The following TMPRSS9 variants were observed in gnomAD, a reference collection of about 807,000 sequenced individuals.
The protein encoded by TMPRSS9 is transmembrane protease serine 9.
A neutral mutation model predicts 111.4 loss-of-function variants in TMPRSS9; 113 were observed. That is an observed-to-expected ratio of 1.01 (90% CI 0.87 to 1.19). TMPRSS9 has a LOEUF of 1.19. Ranked by LOEUF, TMPRSS9 falls within the 50% of genes most tolerant of loss-of-function variation. TMPRSS9 has a pLI of 0.00. For synonymous variants in TMPRSS9, 805 were observed against 659.1 expected (o/e 1.22, Z -3.39); for missense variants, 1,803 against 1,513.1 (o/e 1.19, Z -3.18).
rs533338940 is a variant in TMPRSS9, at chr19:2,416,193, G to T, written c.1746-345G>T. ...GGTCGAGGCTGCAGTGAGCCTGATG[G>T]TGCCACTGCACTCCATCTGGGGCAA... On this transcript the variant is annotated intron_variant, in intron 11 of 17. Coordinates refer to ENST00000648592, the Ensembl canonical transcript of TMPRSS9. 1.4e-4 allele frequency: 61 copies of T among 427,084 alleles called. 1 individual carries two copies. Among genetic ancestry groups the T allele is most frequent in the East Asian group, 1.9e-4 (5 of 26,160 alleles). 26.5% of individuals were successfully genotyped at this position (427,084 alleles called of 1,614,324 possible). A position where few individuals can be genotyped will look rare whatever the true frequency, so the allele number is the denominator to read the frequency against.
intron 13 of TMPRSS9, 122 bp downstream of exon 14, chr19:2,418,260 CTCCTTGTCCT>C: frequency 1.7e-6 from 2 of 1,165,508 alleles, no homozygotes; most frequent in Non-Finnish European, 2.3e-6. Context: ...CCCTCCTTCC[CTCCTTGTCCT>C]TCCCTCCTTT....
intron 1 of TMPRSS9, among the ~76,000 whole-genome samples, chr19:2,364,077 G>C (rs1165431123): frequency 1.3e-5 from 2 of 152,070 alleles, no homozygotes; most frequent in Non-Finnish European, 2.9e-5. Flanking sequence ...AGCTACTCAG[G>C]AGGCTGAGAT....
In TMPRSS9 at chr19:2,425,228, C is replaced by T. The variant is rs1238038923; in HGVS notation, c.2944C>T (p.Arg982Cys). ...CGCGCCGCGACCCCCGGACGGCACG[C>T]GCTGCGTCATCACCGGCTGGGGCTC... Residue 982 changes from arginine to cysteine, a missense_variant, in exon 16 of 18, where the codon CGC (arginine) becomes TGC (cysteine). Transcript: ENST00000648592. The T allele has an allele frequency of 1.4e-6, 2 of 1,444,712 alleles. No homozygotes were observed. The highest frequency in any genetic ancestry group is 2.8e-5 in the Admixed American group (1 of 36,064). 89.5% of individuals were successfully genotyped at this position (1,444,712 alleles called of 1,614,324 possible).
chr19:2,381,336 G>A (rs1460022081), intron 1 of TMPRSS9, among the ~76,000 whole-genome samples: 3 of 151,890 alleles, frequency 2.0e-5, no homozygotes, highest in Non-Finnish European at 4.4e-5. Flanking sequence ...GGCAGCTGGG[G>A]TTGAATGAAC....
intron 1 of TMPRSS9, among the ~76,000 whole-genome samples, chr19:2,376,847 A>G (rs1970339056): frequency 6.6e-6 from 1 of 152,220 alleles, no homozygotes; most frequent in Admixed American, 6.5e-5. Context: ...GCTTGGTTCA[A>G]AGGAAGATTC....
intron 6 of TMPRSS9, among the ~76,000 whole-genome samples, chr19:2,403,687 T>G (rs920307810): frequency 3.5e-5 from 5 of 144,188 alleles, no homozygotes; most frequent in African/African-American, 7.8e-5. Flanking sequence ...TGAGACCCCA[T>G]CTCTACTAAA....
intron 1 of TMPRSS9, among the ~76,000 whole-genome samples, chr19:2,377,282 TATG>T (rs1970344139): frequency 1.7e-5 from 2 of 119,688 alleles, no homozygotes; most frequent in Admixed American, 7.5e-5. Context: ...TGTATGTATG[TATG>T]TATGTATATA....
chr19:2,377,280 TG>T (rs1970344093), intron 1 of TMPRSS9, among the ~76,000 whole-genome samples: 2 of 120,342 alleles, frequency 1.7e-5, no homozygotes, highest in Admixed American at 7.5e-5. Context: ...TATGTATGTA[TG>T]TATGTATGTA....
At chr19:2,410,127 G>T in intron 8 of TMPRSS9, 131 bp from the exon 10 acceptor site, 1 of 1,286,430 alleles carries the variant, frequency 7.8e-7, no homozygotes, top group Non-Finnish European at 1.1e-6. Context: ...GCCATGTGTT[G>T]TAGGTGGCCA....
intron 7 of TMPRSS9, among the ~76,000 whole-genome samples, chr19:2,408,150 C>T (rs1037630409): frequency 8.5e-5 from 13 of 152,048 alleles, no homozygotes; most frequent in African/African-American, 3.1e-4. Context: ...AACTCCTGGG[C>T]TCAGGTGATC....
chr19:2,424,761 G>A (rs76105646), intron 15 of TMPRSS9, among the ~76,000 whole-genome samples: 12,004 of 152,092 alleles, frequency 0.079, 656 homozygotes, highest in East Asian at 0.26. Context: ...GGCGGGGGGC[G>A]GGACTCGCAC....
chr19:2,415,147 G>T (rs1164887419), intron 10 of TMPRSS9, among the ~76,000 whole-genome samples: 2 of 151,976 alleles, frequency 1.3e-5, no homozygotes, highest in Non-Finnish European at 2.9e-5. Flanking sequence ...GTTTCGCCAT[G>T]TTGGCCAGGC....
chr19:2,414,939 C>CTTTTTT (rs1474701467), intron 10 of TMPRSS9, among the ~76,000 whole-genome samples: 2 of 141,456 alleles, frequency 1.4e-5, no homozygotes, highest in African/African-American at 2.8e-5. Context: ...AGTTGCATTC[C>CTTTTTT]TATTTTTTTT....
exon 14 of TMPRSS9, chr19:2,422,008 C>A: frequency 6.2e-7 from 1 of 1,612,992 alleles, no homozygotes; most frequent in Non-Finnish European, 8.5e-7. Flanking sequence ...GAGATCATGT[C>A]CTCCCAGCCC....
intron 14 of TMPRSS9, among the ~76,000 whole-genome samples, chr19:2,422,503 G>T (rs1259793070): frequency 6.6e-6 from 1 of 152,152 alleles, no homozygotes; most frequent in Non-Finnish European, 1.5e-5. Flanking sequence ...ATGGCATGAA[G>T]CCGGGAGGCG....
intron 1 of TMPRSS9, among the ~76,000 whole-genome samples, chr19:2,395,006 C>G (rs974951939): frequency 6.6e-6 from 1 of 152,230 alleles, no homozygotes; most frequent in Non-Finnish European, 1.5e-5. Context: ...TTCTGCCTGG[C>G]GTGGTGGCTC....
intron 10 of TMPRSS9, chr19:2,414,274 C>T: frequency 2.8e-6 from 1 of 356,554 alleles, no homozygotes; most frequent in East Asian, 4.6e-5. Context: ...CAGTCTTGCT[C>T]CGTCGCCCAG....
chr19:2,399,115 C>T lies in TMPRSS9; in HGVS notation c.436C>T (p.Arg146Ter), dbSNP rs372254805. 32 of 1,613,378 alleles carry T rather than the reference C, an allele frequency of 2.0e-5. 1 individual carries two copies. The South Asian group carries it at 3.1e-4, about 16-fold the overall frequency. ...GGGCCTGGAGGAGGAGCTATTGCAGCGAGGGATCCGGGCAAGGCTGCGGGA... is the reference window on the plus strand; with the variant it reads ...GGGCCTGGAGGAGGAGCTATTGCAGTGAGGGATCCGGGCAAGGCTGCGGGA... The change falls in exon 4 of 18, where the codon CGA becomes TGA. Residue 146 changes from arginine to a stop codon, truncating the protein, a stop_gained. Transcript: ENST00000648592. LOFTEE classifies it high-confidence loss of function.
chr19:2,384,907 G>A (rs1286998836), upstream of TMPRSS9, among the ~76,000 whole-genome samples: 2 of 150,150 alleles, frequency 1.3e-5, no homozygotes, highest in Non-Finnish European at 3.0e-5. Flanking sequence ...GCTTGAACCC[G>A]GGAGGCAGAA....
Sources: allele counts gnomAD v4.1 joint callset (sites outside exome capture counted in the v4.1 genomes callset), GRCh38; gene constraint gnomAD v4.1.1; transcripts MANE v1.5; gene names NCBI Gene and HGNC (gene_info 2026-07-23, HGNC 2026-07-21).